Variants in KCNIP4 observed in about 807,000 individuals in gnomAD.
KCNIP4 encodes the protein potassium voltage-gated channel interacting protein 4, also known as Kv channel-interacting protein 4.
KCNIP4 carries 12 observed loss-of-function variants against 34.0 expected under a neutral mutation model. The observed-to-expected ratio is 0.35, with a 90% CI of 0.23 to 0.57. KCNIP4 has a LOEUF of 0.57. Among genes scored for constraint, KCNIP4 ranks in the 20% least tolerant of loss-of-function variants. The pLI is 0.83. For missense variants in KCNIP4, 238 were observed against 311.7 expected (o/e 0.76, Z 1.78); for synonymous variants, 124 against 102.2 (o/e 1.21, Z -1.29).
chr4:21,903,091 G>A (rs1036469827), intron 1 of KCNIP4, among the ~76,000 whole-genome samples: 12 of 152,122 alleles, frequency 7.9e-5, no homozygotes, highest in African/African-American at 2.2e-4. Context: ...ACTTTATCAC[G>A]TAGCCACTGG....
intron 1 of KCNIP4, among the ~76,000 whole-genome samples, chr4:21,825,869 TGA>T (rs1722650389): frequency 6.6e-6 from 1 of 152,028 alleles, no homozygotes; most frequent in Admixed American, 6.6e-5. Context: ...CAGGAAAATG[TGA>T]GAGAGGATGG....
At chr4:21,144,431 C>T (rs1752203193) in intron 1 of KCNIP4, among the ~76,000 whole-genome samples, 1 of 151,976 alleles carries the variant, frequency 6.6e-6, no homozygotes, top group Non-Finnish European at 1.5e-5. Context: ...GAGTTTATGT[C>T]AAAAAAAGAG....
chr4:20,989,258 T>G (rs1560626361), intron 1 of KCNIP4, among the ~76,000 whole-genome samples: 1 of 152,176 alleles, frequency 6.6e-6, no homozygotes, highest in Non-Finnish European at 1.5e-5. Context: ...ACAGAGAAAG[T>G]TTTTTTCACC....
At chr4:21,155,035 A>G (rs2109258293) in intron 1 of KCNIP4, among the ~76,000 whole-genome samples, 1 of 152,318 alleles carries the variant, frequency 6.6e-6, no homozygotes, top group South Asian at 2.1e-4. Context: ...TAAAAAGAAA[A>G]ATAAAATTTT....
At chr4:21,504,472 A>AAAAAAAAAAAAAAG (rs1733641859) in intron 1 of KCNIP4, among the ~76,000 whole-genome samples, 1 of 131,024 alleles carries the variant, frequency 7.6e-6, no homozygotes, top group Non-Finnish European at 1.6e-5. Flanking sequence ...ACTCAAAAAA[A>AAAAAAAAAAAAAAG]AAAAAAGAAA....
Position 20,749,713 on chromosome 4 carries a change from A to G in KCNIP4, c.378T>C (p.His126=), listed in dbSNP as rs1192991232. ...FPQGDSTTYA[H]FLFNAFDTDH... is the part of the protein sequence containing the mutation. ...CTGTATCAAATGCATTGAACAGAAA[A>G]TGTGCATATGTTGTAGAGTCTGAAA... Residue 126 remains histidine, a synonymous_variant, in exon 5 of 9, where the codon CAT becomes CAC. Transcript: ENST00000382152. The G allele has an allele frequency of 6.2e-7, 1 of 1,608,664 alleles. No homozygotes were observed. Among genetic ancestry groups the G allele is most frequent in the East Asian group, 2.2e-5 (1 of 44,724 alleles).
At chr4:21,768,472 G>A (rs977434425) in intron 1 of KCNIP4, among the ~76,000 whole-genome samples, 1 of 151,994 alleles carries the variant, frequency 6.6e-6, no homozygotes, top group Non-Finnish European at 1.5e-5. Flanking sequence ...GCATATCAAG[G>A]AAAAAGAGAA....
chr4:20,829,071 G>A (rs1370308253), intron 3 of KCNIP4, among the ~76,000 whole-genome samples: 1 of 152,248 alleles, frequency 6.6e-6, no homozygotes. Context: ...GCTATAAACC[G>A]GCAGAGGTCC....
At chr4:21,270,897 A>G (rs1417007878) in intron 1 of KCNIP4, among the ~76,000 whole-genome samples, 1 of 150,082 alleles carries the variant, frequency 6.7e-6, no homozygotes, top group Non-Finnish European at 1.5e-5. Flanking sequence ...GAGGCAGGAG[A>G]ATTGCTTGAA....
chr4:21,608,220 C>T (rs1050505054), intron 1 of KCNIP4, among the ~76,000 whole-genome samples: 1 of 152,170 alleles, frequency 6.6e-6, no homozygotes, highest in Non-Finnish European at 1.5e-5. Flanking sequence ...TATTGTCTGA[C>T]ATTTTCTATA....
At chr4:21,260,979 G>C (rs1191865924) in intron 1 of KCNIP4, among the ~76,000 whole-genome samples, 1 of 152,156 alleles carries the variant, frequency 6.6e-6, no homozygotes, top group African/African-American at 2.4e-5. Context: ...TTCTGACTGA[G>C]TTGTCAGCTC....
intron 1 of KCNIP4, among the ~76,000 whole-genome samples, chr4:21,461,947 T>C (rs1729496402): frequency 6.6e-6 from 1 of 152,074 alleles, no homozygotes; most frequent in Non-Finnish European, 1.5e-5. Context: ...TTCATATTTA[T>C]AAAGTACAAT....
intron 1 of KCNIP4, among the ~76,000 whole-genome samples, chr4:21,396,363 C>G (rs914436274): frequency 6.6e-6 from 1 of 151,524 alleles, no homozygotes; most frequent in Non-Finnish European, 1.5e-5. Flanking sequence ...TGAGACCAGC[C>G]TGGCCAAGAT....
intron 1 of KCNIP4, among the ~76,000 whole-genome samples, chr4:20,916,914 A>G (rs1231410342): frequency 7.4e-6 from 1 of 135,596 alleles, no homozygotes; most frequent in African/African-American, 2.7e-5. Flanking sequence ...ATTTTTCCTT[A>G]CCTCCCCTCC....
intron 3 of KCNIP4, among the ~76,000 whole-genome samples, chr4:20,792,733 CTAA>C (rs1712935943): frequency 6.6e-6 from 1 of 151,932 alleles, no homozygotes; most frequent in Admixed American, 6.6e-5. Context: ...ATTTATAGAT[CTAA>C]TAATATAGAT....
intron 1 of KCNIP4, among the ~76,000 whole-genome samples, chr4:21,342,623 A>T (rs1295863372): frequency 6.6e-6 from 1 of 152,132 alleles, no homozygotes; most frequent in African/African-American, 2.4e-5. Context: ...AGAACTTGAT[A>T]AGTAAAATTA....
At chr4:20,742,832 A>T (rs1751474157) in intron 5 of KCNIP4, among the ~76,000 whole-genome samples, 1 of 152,138 alleles carries the variant, frequency 6.6e-6, no homozygotes, top group African/African-American at 2.4e-5. Flanking sequence ...TCTCAGCCCA[A>T]AATCTCCTTA....
intron 1 of KCNIP4, among the ~76,000 whole-genome samples, chr4:21,241,671 T>C (rs1759822597): frequency 6.6e-6 from 1 of 152,188 alleles, no homozygotes; most frequent in African/African-American, 2.4e-5. Context: ...GTGTGCAGAA[T>C]TTGTCATTCT....
intron 1 of KCNIP4, among the ~76,000 whole-genome samples, chr4:21,347,324 C>A (rs952613338): frequency 6.6e-5 from 10 of 152,140 alleles, no homozygotes; most frequent in African/African-American, 1.2e-4. Context: ...AAGCTGGCAC[C>A]CCAGAGGCTG....
Sources: allele counts gnomAD v4.1 joint callset (sites outside exome capture counted in the v4.1 genomes callset), GRCh38; gene constraint gnomAD v4.1.1; transcripts MANE v1.5; gene names NCBI Gene and HGNC (gene_info 2026-07-23, HGNC 2026-07-21).